Variants in ST7 observed in about 807,000 individuals in gnomAD.
ST7 encodes suppression of tumorigenicity 7.
Under a neutral mutation model 78.7 loss-of-function variants are expected in ST7, and 28 were observed. The ratio of observed to expected loss-of-function variants is 0.36; its 90% confidence interval spans 0.26 to 0.49. The LOEUF is 0.49. Ranked by LOEUF, ST7 falls within the 20% of genes least tolerant of loss-of-function variation. The pLI is 0.99. For synonymous variants in ST7, 247 were observed against 249.6 expected, an observed-to-expected ratio of 0.99 and a Z score of 0.10; for missense variants, 418 against 696.0, an observed-to-expected ratio of 0.60 and a Z score of 4.49.
intron 1 of ST7, among the ~76,000 whole-genome samples, chr7:117,084,664 C>G (rs775031618): frequency 2.6e-5 from 4 of 152,072 alleles, no homozygotes; most frequent in Non-Finnish European, 5.9e-5. Flanking sequence ...ACTAAGACAC[C>G]ATGTAAAGCA....
intron 8 of ST7, 61 bp from the exon 9 acceptor site, chr7:117,138,374 C>T (rs538262356): frequency 8.5e-7 from 1 of 1,172,128 alleles, no homozygotes; most frequent in South Asian, 1.5e-5. Context: ...AGGGGCAAGG[C>T]AAATGGGCCT....
chr7:116,953,701 G>T lies in ST7; in HGVS notation c.151+10G>T. 6.9e-7 allele frequency: 1 copy of T among 1,447,112 alleles called. No homozygotes were observed. The highest frequency in any genetic ancestry group is 1.3e-5 in the South Asian group (1 of 78,282). The allele number at this position is 1,447,112 out of a possible 1,614,324, so 89.6% of individuals were successfully genotyped here. On this transcript the variant is annotated intron_variant, in intron 1 of 15. Coordinates refer to ENST00000323984, the MANE Select transcript of ST7 (RefSeq NM_001369598.1). ...GACAACTTGAGCACAGGTAAGGCCT[G>T]GGAGCCGGGCCCGCGGCGCCCACCC... is the stretch of plus-strand genomic sequence containing the variant.
intron 2 of ST7, among the ~76,000 whole-genome samples, chr7:117,113,752 A>T (rs1802624265): frequency 1.3e-5 from 2 of 152,246 alleles, no homozygotes; most frequent in African/African-American, 4.8e-5. Context: ...ATTATCTGGG[A>T]GCTTGTTTAA....
intron 2 of ST7, chr7:117,117,909 A>G (rs1328628564): frequency 6.6e-6 from 1 of 152,198 alleles, no homozygotes; most frequent in Non-Finnish European, 1.5e-5. Context: ...ACCTGGGGTT[A>G]TAGACTCCCT....
intron 1 of ST7, among the ~76,000 whole-genome samples, chr7:117,055,705 G>A (rs1333331840): frequency 2.0e-5 from 3 of 152,034 alleles, no homozygotes; most frequent in African/African-American, 4.8e-5. Flanking sequence ...TTCATATTTG[G>A]GTAAATTACA....
intron 3 of ST7, among the ~76,000 whole-genome samples, chr7:117,126,283 A>G (rs1803838765): frequency 1.3e-5 from 2 of 151,820 alleles, no homozygotes; most frequent in Non-Finnish European, 2.9e-5. Flanking sequence ...TTTAGAAAAA[A>G]GTTTTCAGAG....
intron 1 of ST7, among the ~76,000 whole-genome samples, chr7:116,977,831 G>A (rs752707371): frequency 1.7e-4 from 26 of 152,350 alleles, no homozygotes; most frequent in Non-Finnish European, 3.2e-4. Flanking sequence ...GGGATTACAG[G>A]CGTGAGCCAC....
At chr7:117,170,825 T>A in intron 9 of ST7, 37 bp from the exon 10 acceptor site, 3 of 1,069,550 alleles carry the variant, frequency 2.8e-6, no homozygotes, top group Non-Finnish European at 2.7e-6. Context: ...AAGACATACA[T>A]AATATACTAA....
At chr7:117,166,099 A>G (rs1438116214) in intron 9 of ST7, among the ~76,000 whole-genome samples, 3 of 152,220 alleles carry the variant, frequency 2.0e-5, no homozygotes, top group Non-Finnish European at 4.4e-5. Context: ...TAGAACATAT[A>G]GAAAATATGA....
At chr7:116,969,137 T>G (rs964276757) in intron 1 of ST7, among the ~76,000 whole-genome samples, 3 of 152,246 alleles carry the variant, frequency 2.0e-5, no homozygotes, top group African/African-American at 7.2e-5. Context: ...TGGCAGTTTT[T>G]CAGACTTTCC....
chr7:117,092,323 CAA>C (rs544352014), intron 1 of ST7, among the ~76,000 whole-genome samples: 10 of 100,632 alleles, frequency 9.9e-5, no homozygotes, highest in Admixed American at 1.0e-4. Context: ...GAATACCAGC[CAA>C]AAAAAAAAAA....
intron 9 of ST7, among the ~76,000 whole-genome samples, chr7:117,140,844 A>G (rs1805227387): frequency 6.6e-6 from 1 of 152,158 alleles, no homozygotes; most frequent in African/African-American, 2.4e-5. Flanking sequence ...TGGTAGAGAT[A>G]TGTTTTGAAG....
chr7:117,057,609 C>A (rs1205428846), intron 1 of ST7, among the ~76,000 whole-genome samples: 1 of 151,988 alleles, frequency 6.6e-6, no homozygotes, highest in Non-Finnish European at 1.5e-5. Context: ...AAATAATTGC[C>A]CAATTGAAGA....
chr7:117,209,199 G>A (rs577465512), intron 12 of ST7, among the ~76,000 whole-genome samples: 1 of 152,156 alleles, frequency 6.6e-6, no homozygotes, highest in African/African-American at 2.4e-5. Context: ...CCTAGTCTTC[G>A]GGAAAGGATC....
At chr7:117,083,689 A>G (rs995781420) in intron 1 of ST7, among the ~76,000 whole-genome samples, 8 of 152,192 alleles carry the variant, frequency 5.3e-5, no homozygotes, top group African/African-American at 1.7e-4. Context: ...TATGATATAT[A>G]TTTTATATGA....
chr7:117,013,828 G>A (rs185514408), intron 1 of ST7, among the ~76,000 whole-genome samples: 10 of 152,180 alleles, frequency 6.6e-5, no homozygotes, highest in African/African-American at 9.6e-5. Flanking sequence ...GTGAGACTCC[G>A]CCAAAAATAA....
intron 1 of ST7, chr7:117,023,038 T>C (rs1477060857): frequency 6.6e-6 from 1 of 152,192 alleles, no homozygotes; most frequent in Non-Finnish European, 1.5e-5. Context: ...TAGATTCATG[T>C]TGTAAGTGGC....
At chr7:117,012,133 A>G (rs922143103) in intron 1 of ST7, among the ~76,000 whole-genome samples, 2 of 152,220 alleles carry the variant, frequency 1.3e-5, no homozygotes, top group Non-Finnish European at 2.9e-5. Flanking sequence ...ACAATGACTA[A>G]ACATTATCCC....
chr7:117,106,616 CTTTTTTTTTTTTT>C (rs758855564), intron 2 of ST7, among the ~76,000 whole-genome samples: 1 of 107,726 alleles, frequency 9.3e-6, no homozygotes, highest in Admixed American at 9.9e-5. Context: ...TTGTATCATT[CTTTTTTTTTTTTT>C]TTTTTTTTTG....
Sources: gnomAD v4.1 joint callset for allele counts (sites outside exome capture counted in the v4.1 genomes callset) on GRCh38, gnomAD v4.1.1 for gene constraint, MANE v1.5 for transcripts, NCBI Gene and HGNC (gene_info 2026-07-23, HGNC 2026-07-21) for gene names.